Variants in GALNT11 observed in about 807,000 individuals in gnomAD.
The protein encoded by GALNT11 is polypeptide N-acetylgalactosaminyltransferase 11, also known as UDP-GalNAc:polypeptide N-acetylgalactosaminyltransferase 11.
Under a neutral mutation model 72.7 loss-of-function variants are expected in GALNT11, and 47 were observed. That is an observed-to-expected ratio of 0.65 (90% confidence interval 0.51 to 0.82). The LOEUF (loss-of-function observed/expected upper bound fraction) is 0.82, where lower values mean the gene tolerates loss of function less well. Among genes scored for constraint, GALNT11 ranks in the 40% least tolerant of loss-of-function variants. The pLI is 0.00. For missense variants in GALNT11, 677 were observed against 778.4 expected (o/e 0.87, Z 1.55); for synonymous variants, 270 against 286.6 (o/e 0.94, Z 0.58).
intron 1 of GALNT11, among the ~76,000 whole-genome samples, chr7:152,068,746 G>A (rs747975779): frequency 2.0e-5 from 3 of 151,592 alleles, no homozygotes; most frequent in Non-Finnish European, 4.4e-5. Context: ...CCAGCTTTTG[G>A]TTTTGTTAAT....
chr7:152,062,573 G>A (rs2084080977), intron 1 of GALNT11, among the ~76,000 whole-genome samples: 1 of 152,138 alleles, frequency 6.6e-6, no homozygotes, highest in Non-Finnish European at 1.5e-5. Context: ...TCCAGTTTTT[G>A]CCCATTCAGT....
chr7:152,028,865 G>A (rs556909795), intron 1 of GALNT11, among the ~76,000 whole-genome samples: 1 of 152,304 alleles, frequency 6.6e-6, no homozygotes, highest in East Asian at 1.9e-4. Context: ...GTTTAGTTGA[G>A]CTCATTTGGA....
At chr7:152,111,564 A>G (rs990036114) in intron 7 of GALNT11, among the ~76,000 whole-genome samples, 1 of 151,648 alleles carries the variant, frequency 6.6e-6, no homozygotes, top group South Asian at 2.1e-4. Context: ...GTAGTACTTC[A>G]TCCCTCACTC....
chr7:152,078,533 T>A (rs1166700415), intron 1 of GALNT11, among the ~76,000 whole-genome samples: 1 of 152,192 alleles, frequency 6.6e-6, no homozygotes, highest in Non-Finnish European at 1.5e-5. Context: ...ATGGCAAAGA[T>A]TTTTGAAACC....
Position 152,118,466 on chromosome 7 carries a change from T to C in GALNT11, c.1453-212T>C, listed in dbSNP as rs2089100955. 7 of 487,512 alleles carry C rather than the reference T, an allele frequency of 1.4e-5. No individual in the cohort carries two copies. The South Asian group carries it at 1.9e-4, about 13-fold the overall frequency. The allele number at this position is 487,512 out of a possible 1,614,324, so 30.2% of individuals were successfully genotyped here. A position where few individuals can be genotyped will look rare whatever the true frequency, so the allele number is the denominator to read the frequency against. On this transcript the variant is annotated intron_variant, in intron 9 of 11. Transcript: ENST00000430044. ...GCTGACACTGTCTGCATGTTAAAACTGCTAATAACTTTTGGAGTTATAACT... is the reference window on the plus strand; with the variant it reads ...GCTGACACTGTCTGCATGTTAAAACCGCTAATAACTTTTGGAGTTATAACT...
At chr7:152,056,052 T>C (rs1303745739) in intron 1 of GALNT11, among the ~76,000 whole-genome samples, 4 of 152,126 alleles carry the variant, frequency 2.6e-5, no homozygotes, top group Admixed American at 6.5e-5. Context: ...TTCTATAATT[T>C]TGTCATGTGA....
Position 152,100,935 on chromosome 7 carries a change from C to A in GALNT11, c.419+14C>A. 2 of 1,611,964 alleles carry A rather than the reference C, an allele frequency of 1.2e-6. No homozygotes were observed. Among genetic ancestry groups the A allele is most frequent in the South Asian group, 2.2e-5 (2 of 90,786 alleles). ...AAGGAATGCAGCGTATGTGCCTTAT[C>A]GGATTTGCAAATACATTTTAACAAC... On this transcript the variant is annotated intron_variant, in intron 3 of 11. Coordinates refer to ENST00000430044, the MANE Select transcript of GALNT11 (RefSeq NM_022087.4).
At position 152,121,060 on chromosome 7, in the gene GALNT11, G is replaced by A. The variant is rs891054948; in HGVS notation, c.1695+92G>A. 4.7e-6 allele frequency: 7 copies of A among 1,481,144 alleles called. No homozygotes were observed. In the African/African-American group the frequency reaches 9.9e-5, roughly 21 times the overall value. 91.8% of individuals were successfully genotyped at this position (1,481,144 alleles called of 1,614,324 possible). ...CAGATGAACTCATTTTCTACCTTGGGGGTGGTCTTCTCAGTCTGCAGTACA... is the reference window on the plus strand; with the variant it reads ...CAGATGAACTCATTTTCTACCTTGGAGGTGGTCTTCTCAGTCTGCAGTACA... On this transcript the variant is annotated intron_variant, in intron 11 of 11. Transcript: ENST00000430044.
At chr7:152,036,207 A>G (rs1586927894) in intron 1 of GALNT11, among the ~76,000 whole-genome samples, 1 of 152,120 alleles carries the variant, frequency 6.6e-6, no homozygotes, top group South Asian at 2.1e-4. Flanking sequence ...CTATTTAACT[A>G]TATTTTTGTA....
chr7:152,069,962 A>G (rs994068379), intron 1 of GALNT11, among the ~76,000 whole-genome samples: 15 of 148,972 alleles, frequency 1.0e-4, no homozygotes, highest in African/African-American at 3.0e-4. Context: ...TTTTGCACTC[A>G]TTGCTTTTTT....
At chr7:152,051,021 T>G (rs2083370358) in intron 1 of GALNT11, among the ~76,000 whole-genome samples, 1 of 152,162 alleles carries the variant, frequency 6.6e-6, no homozygotes, top group Non-Finnish European at 1.5e-5. Context: ...CACGACTTTA[T>G]CCTCTTCAGT....
intron 1 of GALNT11, among the ~76,000 whole-genome samples, chr7:152,052,744 C>T (rs1446498962): frequency 6.6e-6 from 1 of 152,174 alleles, no homozygotes; most frequent in Non-Finnish European, 1.5e-5. Flanking sequence ...TTAAACTCTC[C>T]TTTGCTATTA....
At chr7:152,053,609 CT>C (rs1440222438) in intron 1 of GALNT11, among the ~76,000 whole-genome samples, 1 of 152,148 alleles carries the variant, frequency 6.6e-6, no homozygotes, top group Non-Finnish European at 1.5e-5. Flanking sequence ...TTTATTATTT[CT>C]TTACGATTTT....
intron 1 of GALNT11, among the ~76,000 whole-genome samples, chr7:152,040,817 C>CT (rs1358233582): frequency 6.6e-6 from 1 of 152,182 alleles, no homozygotes; most frequent in East Asian, 1.9e-4. Context: ...ATCTGAAAAA[C>CT]TTTACCTTTT....
intron 1 of GALNT11, among the ~76,000 whole-genome samples, chr7:152,051,329 A>T (rs1284957247): frequency 6.6e-6 from 1 of 150,872 alleles, no homozygotes; most frequent in Non-Finnish European, 1.5e-5. Flanking sequence ...TGTTAAAGAA[A>T]TTGGGTTATT....
At chr7:152,079,263 C>T (rs992730834) in intron 1 of GALNT11, 1 of 152,138 alleles carries the variant, frequency 6.6e-6, no homozygotes, top group Non-Finnish European at 1.5e-5. Context: ...CCTGAGGTAG[C>T]TTTTACCTTC....
At chr7:152,116,936 T>C in intron 8 of GALNT11, 1 of 665,602 alleles carries the variant, frequency 1.5e-6, no homozygotes, top group Admixed American at 2.0e-5. Context: ...CTCCTGGGAG[T>C]TTTCCGTAAT....
intron 1 of GALNT11, among the ~76,000 whole-genome samples, chr7:152,069,999 T>TTC (rs1393832036): frequency 5.4e-5 from 8 of 147,908 alleles, no homozygotes; most frequent in South Asian, 2.1e-4. Flanking sequence ...TTCTTTTTCT[T>TTC]TTTCTTTTTT....
In GALNT11 at chr7:152,049,897, G is replaced by C. The variant is rs532574519; in HGVS notation, c.-39+24013G>C. Among the ~76,000 whole-genome samples the C allele has an allele frequency of 2.6e-5, 4 of 152,186 alleles. No individual in the cohort carries two copies. In the East Asian group the frequency reaches 7.8e-4, roughly 30 times the overall value. ...CTCCCCCTTAGCTGCCACTGTCCTA[G>C]GTTCATGGCAAGTACTGCCTGGCTA... On this transcript the variant is annotated intron_variant, in intron 1 of 11. Coordinates refer to ENST00000430044, the MANE Select transcript of GALNT11 (RefSeq NM_022087.4).
Sources: allele counts gnomAD v4.1 joint callset (sites outside exome capture counted in the v4.1 genomes callset), GRCh38; gene constraint gnomAD v4.1.1; transcripts MANE v1.5; gene names NCBI Gene and HGNC (gene_info 2026-07-23, HGNC 2026-07-21).